Variants in RMST observed in about 807,000 individuals in gnomAD.
RMST encodes the protein rhabdomyosarcoma 2 associated transcript.
chr12:97,551,682 C>A (rs1883322969), intron 11 of RMST: 1 of 152,104 alleles, frequency 6.6e-6, no homozygotes, highest in African/African-American at 2.4e-5. Flanking sequence ...CATCTATATG[C>A]TAATATGTTT....
At chr12:97,513,978 C>G (rs1308694721) in intron 10 of RMST, among the ~76,000 whole-genome samples, 1 of 152,140 alleles carries the variant, frequency 6.6e-6, no homozygotes, top group Non-Finnish European at 1.5e-5. Flanking sequence ...CAAACAGTGG[C>G]AGTTTTTTAT....
intron 5 of RMST, among the ~76,000 whole-genome samples, chr12:97,488,787 C>T (rs976110304): frequency 1.3e-5 from 2 of 152,152 alleles, no homozygotes; most frequent in Non-Finnish European, 2.9e-5. Flanking sequence ...TACCCAGTAG[C>T]TCCATACAAG....
chr12:97,486,669 T>A (rs1312610849), intron 5 of RMST, among the ~76,000 whole-genome samples: 1 of 152,170 alleles, frequency 6.6e-6, no homozygotes, highest in East Asian at 1.9e-4. Context: ...ACATGTTGAG[T>A]GTACTGGGGA....
chr12:97,522,420 C>T (rs761272524), intron 10 of RMST, among the ~76,000 whole-genome samples: 1 of 152,122 alleles, frequency 6.6e-6, no homozygotes, highest in Non-Finnish European at 1.5e-5. Flanking sequence ...ACACATAGGC[C>T]GTGTGGGTTG....
At chr12:97,550,714 G>A (rs747805364) in intron 11 of RMST, among the ~76,000 whole-genome samples, 6 of 151,972 alleles carry the variant, frequency 3.9e-5, no homozygotes, top group South Asian at 2.1e-4. Flanking sequence ...TTGCAATCCC[G>A]TGCCACTATG....
chr12:97,510,467 C>T (rs1425862200), intron 10 of RMST, among the ~76,000 whole-genome samples: 1 of 152,132 alleles, frequency 6.6e-6, no homozygotes, highest in African/African-American at 2.4e-5. Flanking sequence ...GAAGATGGAC[C>T]ATTACGTGCT....
intron 10 of RMST, among the ~76,000 whole-genome samples, chr12:97,525,810 G>A (rs1309720168): frequency 3.9e-5 from 6 of 152,188 alleles, no homozygotes. Flanking sequence ...AGCAGGAAGT[G>A]TGTGGCCTGC....
At chr12:97,516,987 A>G (rs1427108420) in intron 10 of RMST, among the ~76,000 whole-genome samples, 1 of 152,012 alleles carries the variant, frequency 6.6e-6, no homozygotes, top group African/African-American at 2.4e-5. Context: ...AAGGTATCTA[A>G]TGAATGATCA....
chr12:97,497,435 T>C (rs974058710), intron 10 of RMST, among the ~76,000 whole-genome samples: 2 of 152,164 alleles, frequency 1.3e-5, no homozygotes, highest in African/African-American at 4.8e-5. Context: ...GATCAACAAG[T>C]TCAAAATATT....
chr12:97,511,027 A>G (rs1879227910), intron 10 of RMST, among the ~76,000 whole-genome samples: 1 of 152,170 alleles, frequency 6.6e-6, no homozygotes, highest in South Asian at 2.1e-4. Flanking sequence ...ATTTGACTTA[A>G]ATTTCGAAGT....
At chr12:97,506,149 T>C (rs1280522486) in intron 10 of RMST, among the ~76,000 whole-genome samples, 1 of 152,046 alleles carries the variant, frequency 6.6e-6, no homozygotes, top group Non-Finnish European at 1.5e-5. Context: ...CGTGACCACA[T>C]TAGATTTTAT....
At chr12:97,525,080 C>T (rs1880949324) in intron 10 of RMST, among the ~76,000 whole-genome samples, 1 of 152,128 alleles carries the variant, frequency 6.6e-6, no homozygotes, top group Admixed American at 6.5e-5. Context: ...ACATTTGTAA[C>T]ATGGGGAAAG....
At chr12:97,526,866 GATATCT>G (rs1005308465) in intron 10 of RMST, among the ~76,000 whole-genome samples, 1 of 152,088 alleles carries the variant, frequency 6.6e-6, no homozygotes, top group African/African-American at 2.4e-5. Context: ...GCATTTATTG[GATATCT>G]ACCATGTGCT....
chr12:97,508,436 T>A (rs1878932206), intron 10 of RMST, among the ~76,000 whole-genome samples: 1 of 152,120 alleles, frequency 6.6e-6, no homozygotes, highest in Non-Finnish European at 1.5e-5. Context: ...AAAATGAGAT[T>A]TCCTCCTCCT....
intron 10 of RMST, among the ~76,000 whole-genome samples, chr12:97,523,004 A>G (rs1021263154): frequency 5.8e-4 from 88 of 152,354 alleles, no homozygotes; most frequent in Non-Finnish European, 9.3e-4. Flanking sequence ...GAAACTTAGT[A>G]AATGCTTCCA....
At chr12:97,543,990 G>A (rs1049499552) in intron 11 of RMST, among the ~76,000 whole-genome samples, 1 of 151,982 alleles carries the variant, frequency 6.6e-6, no homozygotes, top group South Asian at 2.1e-4. Flanking sequence ...TTTACTCTAA[G>A]AAGTAGGAAT....
intron 10 of RMST, among the ~76,000 whole-genome samples, chr12:97,527,589 C>A (rs939037052): frequency 5.3e-5 from 8 of 152,156 alleles, no homozygotes; most frequent in Non-Finnish European, 1.2e-4. Context: ...AGGTCAGCTT[C>A]TCCTATTTTA....
At chr12:97,474,310 G>A (rs1874272870) in intron 5 of RMST, among the ~76,000 whole-genome samples, 1 of 152,108 alleles carries the variant, frequency 6.6e-6, no homozygotes, top group African/African-American at 2.4e-5. Context: ...GATGATGATA[G>A]CAGAGGTGCT....
intron 5 of RMST, among the ~76,000 whole-genome samples, chr12:97,486,009 T>C (rs1876055622): frequency 6.6e-6 from 1 of 152,232 alleles, no homozygotes; most frequent in African/African-American, 2.4e-5. Context: ...AACTTGGAGA[T>C]AGGTACGCAG....
Sources: gnomAD v4.1 joint callset for allele counts (sites outside exome capture counted in the v4.1 genomes callset) on GRCh38, gnomAD v4.1.1 for gene constraint, MANE v1.5 for transcripts, NCBI Gene and HGNC (gene_info 2026-07-23, HGNC 2026-07-21) for gene names.